Variants in MATR3 observed in about 807,000 individuals in gnomAD.
MATR3 encodes matrin 3.
Under a neutral mutation model 85.5 loss-of-function variants are expected in MATR3, and 4 were observed. The observed-to-expected ratio is 0.05, with a 90% CI of 0.02 to 0.11. The LOEUF is 0.11. MATR3 is among the 10% of genes least tolerant of loss of function. MATR3 has a pLI of 1.00. For synonymous variants in MATR3, 336 were observed against 343.1 expected (o/e 0.98, Z 0.23); for missense variants, 685 against 1,016.1 (o/e 0.67, Z 4.43).
chr5:139,325,445 C>G lies in MATR3; in HGVS notation c.2154C>G (p.Asp718Glu). 6.2e-7 allele frequency: 1 copy of G among 1,614,058 alleles called. No individual in the cohort carries two copies. The highest frequency in any genetic ancestry group is 8.5e-7 in the Non-Finnish European group (1 of 1,180,028). The change falls in exon 13 of 15, where the codon GAC becomes GAG. Residue 718 changes from aspartate (D) to glutamate (E), a missense_variant. This residue lies in a region of MATR3 where 215 missense variants were observed against 194.7 expected (regional missense o/e 1.10). Transcript: ENST00000394805. Reference sequence around the variant, plus strand: ...ATGGTTTGGTTGAAATTAAGGTGGACAAGATCGAGGAACTTGATCAAGAAA... The same window carrying G: ...ATGGTTTGGTTGAAATTAAGGTGGAGAAGATCGAGGAACTTGATCAAGAAA... The part of the protein sequence containing the change: ...AAAKKKLKKV[D>E]KIEELDQENE...
intron 3 of MATR3, chr5:139,279,225 G>A (rs1005752066): frequency 1.3e-5 from 6 of 448,264 alleles, no homozygotes; most frequent in Admixed American, 9.5e-5. Context: ...ATTATGTAGA[G>A]TATCAGACTT....
upstream of MATR3, among the ~76,000 whole-genome samples, chr5:139,291,227 T>C (rs1371875302): frequency 2.0e-5 from 3 of 152,212 alleles, no homozygotes; most frequent in East Asian, 5.8e-4. Flanking sequence ...CTTCACCTAG[T>C]TAATTGCCTA....
chr5:139,284,087 A>C (rs1309649745), intron 3 of MATR3, among the ~76,000 whole-genome samples: 2 of 152,234 alleles, frequency 1.3e-5, no homozygotes, highest in African/African-American at 2.4e-5. Context: ...CCTCAGTTCT[A>C]CTGACAGTTG....
chr5:139,312,449 T>C (rs1361819789), intron 2 of MATR3: 2 of 152,180 alleles, frequency 1.3e-5, no homozygotes, highest in South Asian at 2.1e-4. Context: ...TCCATTACTT[T>C]CCAGTTGAAA....
intron 2 of MATR3, chr5:139,312,905 G>A (rs1755061420): frequency 6.6e-6 from 1 of 152,184 alleles, no homozygotes; most frequent in South Asian, 2.1e-4. Flanking sequence ...TCCCACCTTG[G>A]CCTTCCAAAG....
intron 14 of MATR3, among the ~76,000 whole-genome samples, chr5:139,328,229 A>G (rs1233341426): frequency 6.6e-6 from 1 of 151,830 alleles, no homozygotes; most frequent in East Asian, 1.9e-4. Flanking sequence ...GTTAAGCATT[A>G]CAGTAACTTG....
At chr5:139,274,361 T>G (rs1438781354) in intron 1 of MATR3, 3 of 328,102 alleles carry the variant, frequency 9.1e-6, no homozygotes, top group African/African-American at 4.3e-5. Context: ...CTCTTCTCCC[T>G]AGGGAGTCCC....
chr5:139,322,683 A>T lies in MATR3; in HGVS notation c.1864A>T (p.Thr622Ser). Residue 622 changes from threonine (T) to serine (S), a missense_variant, in exon 12 of 15, where the codon ACC becomes TCC. Coordinates refer to ENST00000394805, the MANE Select transcript of MATR3 (RefSeq NM_018834.6). ...TGGTTCCCAGAAGACTGAGAGTTCA[A>T]CCGAAGGTAAAGAACAAGAAGAGAA... ...TDGSQKTESSTEGKEQEEKSG... is the reference protein window; with the variant it reads ...TDGSQKTESSSEGKEQEEKSG... 6.2e-7 allele frequency: 1 copy of T among 1,614,184 alleles called. No homozygotes were observed. The highest frequency in any genetic ancestry group is 1.3e-5 in the African/African-American group (1 of 75,074).
chr5:139,304,799 C>A (rs1304728955), intron 1 of MATR3, among the ~76,000 whole-genome samples: 2 of 152,150 alleles, frequency 1.3e-5, no homozygotes, highest in African/African-American at 4.8e-5. Flanking sequence ...GTAAAAGGAG[C>A]TAATCTTTTG....
At chr5:139,278,835 G>A (rs761125546) in intron 2 of MATR3, 16 of 517,158 alleles carry the variant, frequency 3.1e-5, no homozygotes, top group Non-Finnish European at 3.8e-5. Flanking sequence ...GTGTTACACT[G>A]TTGGAAGAGC....
intron 12 of MATR3, among the ~76,000 whole-genome samples, chr5:139,324,920 G>A (rs957598691): frequency 3.3e-5 from 5 of 152,048 alleles, no homozygotes; most frequent in African/African-American, 1.2e-4. Context: ...GGCCGGGCAC[G>A]GTGGCTCACG....
chr5:139,331,268 T>A lies in MATR3; in HGVS notation c.*1873T>A. ...GACATGCACAAAAAATCCTTGCCAGTTTACTTCTGCAATTTAATTTTAGCC... is the reference window on the plus strand; with the variant it reads ...GACATGCACAAAAAATCCTTGCCAGATTACTTCTGCAATTTAATTTTAGCC... On this transcript the variant is annotated 3_prime_UTR_variant, in exon 15 of 15. Coordinates refer to ENST00000394805, the MANE Select transcript of MATR3 (RefSeq NM_018834.6). 2.2e-6 allele frequency: 1 copy of A among 453,954 alleles called. No homozygotes were observed. The highest frequency in any genetic ancestry group is 6.9e-5 in the East Asian group (1 of 14,414). The allele number at this position is 453,954 out of a possible 1,614,324, so 28.1% of individuals were successfully genotyped here.
In MATR3 at chr5:139,317,737, T is replaced by C; in HGVS notation, c.1308+16T>C. 1 of 1,557,662 alleles carries C rather than the reference T, an allele frequency of 6.4e-7. No individual in the cohort carries two copies. Among genetic ancestry groups the C allele is most frequent in the Non-Finnish European group, 8.8e-7 (1 of 1,137,032 alleles). On this transcript the variant is annotated intron_variant, in intron 7 of 14. Transcript: ENST00000394805. ...AATTAATGAGGTATGAATTGAAATA[T>C]TGGTATTATTCATTTATTCATGCCA...
At chr5:139,323,892 GAAA>G (rs200270742) in intron 12 of MATR3, among the ~76,000 whole-genome samples, 1 of 144,286 alleles carries the variant, frequency 6.9e-6, no homozygotes, top group Non-Finnish European at 1.5e-5. Flanking sequence ...ACTGTCTCAA[GAAA>G]AAAAAAAAGT....
Position 139,307,746 on chromosome 5 carries a change from A to G in MATR3, c.331A>G (p.Ile111Val). 6.2e-7 allele frequency: 1 copy of G among 1,614,140 alleles called. No homozygotes were observed. The highest frequency in any genetic ancestry group is 8.5e-7 in the Non-Finnish European group (1 of 1,180,022). Residue 111 changes from isoleucine to valine, a missense_variant, in exon 2 of 15, where the codon ATT (isoleucine) becomes GTT (valine). Transcript: ENST00000394805. This position sits in a 1 kb window ranked among gnomAD's most constrained non-coding sequence, Gnocchi z 4.4. ...TGGAGATGCAGACCAGGCCAGTAAC[A>G]TTTTGGCCAGCTTTGGTCTGTCTGC... is the stretch of plus-strand genomic sequence containing the variant. ...HRGDADQASN[I>V]LASFGLSARD...
chr5:139,317,175 C>A, intron 6 of MATR3, 70 bp downstream of exon 6: 2 of 1,420,364 alleles, frequency 1.4e-6, no homozygotes, highest in Admixed American at 1.7e-5. Flanking sequence ...TAAATCCTTA[C>A]TAGTTGAGTA....
Position 139,302,639 on chromosome 5 carries a change from G to T in MATR3, c.-177-4600G>T, listed in dbSNP as rs554250194. On this transcript the variant is annotated intron_variant, in intron 1 of 14. Transcript: ENST00000394805. ...TGACCGCAGGAATCAATATTTTTGT[G>T]TGATTTATGACAAAAATCAAGCAGC... is the stretch of plus-strand genomic sequence containing the variant. 3.9e-5 allele frequency among the ~76,000 whole-genome samples: 6 copies of T among 152,300 alleles called. No homozygotes were observed. The South Asian group carries it at 1.2e-3, about 32-fold the overall frequency.
At chr5:139,315,386 C>T in intron 3 of MATR3, 2 of 311,704 alleles carry the variant, frequency 6.4e-6, no homozygotes, top group Non-Finnish European at 1.2e-5. Context: ...GTTCTTGTTT[C>T]TATGTAACCC....
At chr5:139,296,766 G>T (rs948686421) in intron 1 of MATR3, among the ~76,000 whole-genome samples, 8 of 152,218 alleles carry the variant, frequency 5.3e-5, no homozygotes, top group Non-Finnish European at 1.0e-4. Context: ...TGCAGCCAAA[G>T]AATTGAATAA....
Sources: allele counts gnomAD v4.1 joint callset (sites outside exome capture counted in the v4.1 genomes callset), GRCh38; gene constraint gnomAD v4.1.1; regional missense constraint gnomAD v4.1.1; non-coding constraint Gnocchi (gnomAD v3.1); transcripts MANE v1.5; gene names NCBI Gene and HGNC (gene_info 2026-07-23, HGNC 2026-07-21).